Variants in CYTH1 observed in about 807,000 individuals in gnomAD.
The protein encoded by CYTH1 is cytohesin 1.
CYTH1 carries 18 observed loss-of-function variants against 61.8 expected under a neutral mutation model. That is an observed-to-expected ratio of 0.29 (90% CI 0.20 to 0.43). The LOEUF is 0.43. CYTH1 is among the 20% of genes least tolerant of loss of function. CYTH1 has a pLI of 1.00. For synonymous variants in CYTH1, 174 were observed against 184.3 expected (o/e 0.94, Z 0.45); for missense variants, 336 against 510.5 (o/e 0.66, Z 3.29).
intron 3 of CYTH1, among the ~76,000 whole-genome samples, chr17:78,705,904 CAG>C (rs2093060447): frequency 6.6e-6 from 1 of 152,050 alleles, no homozygotes; most frequent in Non-Finnish European, 1.5e-5. Context: ...TGGTAACTGA[CAG>C]AGAATTAATC....
chr17:78,717,900 ATC>A lies in CYTH1; in HGVS notation c.23-8170_23-8169del, dbSNP rs1371506501. ...ACCCCTCTGCCTAGCTTTCAAATACATCACTTGCCTTATTTTTTTCCACTATA... is the reference window on the plus strand; with the variant it reads ...ACCCCTCTGCCTAGCTTTCAAATACAACTTGCCTTATTTTTTTCCACTATA... On this transcript the variant is annotated intron_variant, in intron 1 of 13. Coordinates refer to ENST00000446868, the MANE Select transcript of CYTH1 (RefSeq NM_004762.6). The surrounding 1 kb of genome is among the most constrained non-coding windows in gnomAD (Gnocchi z 4.4). Among the ~76,000 whole-genome samples the A allele has an allele frequency of 6.6e-6, 1 of 152,056 alleles. No individual in the cohort carries two copies. Among genetic ancestry groups the A allele is most frequent in the Non-Finnish European group, 1.5e-5 (1 of 68,016 alleles).
rs759182326 is a variant in CYTH1 at position 78,702,232 on chromosome 17, C to T, written c.246G>A (p.Gln82=). ...TCAGGAGGTCGTTCTCTATTAAGAA[C>T]TGGATCCCCTAGAAAAAGACAACAA... ...KFNMDPKKGI[Q]FLIENDLLKN... is the part of the protein sequence containing the mutation. Residue 82 remains glutamine, a synonymous_variant, in exon 5 of 14, where the codon CAG becomes CAA. Transcript: ENST00000446868. The T allele has an allele frequency of 1.2e-6, 2 of 1,613,064 alleles. No homozygotes were observed. Among genetic ancestry groups the T allele is most frequent in the Non-Finnish European group, 8.5e-7 (1 of 1,179,320 alleles).
intron 1 of CYTH1, 25 bp downstream of exon 1, chr17:78,782,177 G>T: frequency 7.4e-7 from 1 of 1,359,906 alleles, no homozygotes; most frequent in Non-Finnish European, 9.6e-7. Context: ...CGAGGGGGAA[G>T]CGTCCGCCGC....
intron 3 of CYTH1, among the ~76,000 whole-genome samples, chr17:78,706,437 C>T (rs894141647): frequency 2.0e-5 from 3 of 152,196 alleles, no homozygotes; most frequent in Non-Finnish European, 2.9e-5. Context: ...TCACAATGTT[C>T]GTGAGATTCA....
intron 1 of CYTH1, among the ~76,000 whole-genome samples, chr17:78,746,730 C>T (rs987043070): frequency 2.6e-5 from 4 of 152,002 alleles, no homozygotes; most frequent in African/African-American, 9.7e-5. Context: ...TCACTTGAGC[C>T]CAGGAGTTCA....
chr17:78,731,144 A>G (rs1333726334), intron 1 of CYTH1, among the ~76,000 whole-genome samples: 1 of 152,232 alleles, frequency 6.6e-6, no homozygotes, highest in Non-Finnish European at 1.5e-5. Flanking sequence ...CTTGGAATAT[A>G]TGAAGGCAGG....
chr17:78,704,955 A>C (rs1382997944), intron 3 of CYTH1, among the ~76,000 whole-genome samples: 1 of 152,212 alleles, frequency 6.6e-6, no homozygotes, highest in Non-Finnish European at 1.5e-5. Flanking sequence ...ATTTAATTTC[A>C]GCCAGAATGA....
chr17:78,694,796 G>C (rs537533797), intron 10 of CYTH1, among the ~76,000 whole-genome samples: 3 of 152,314 alleles, frequency 2.0e-5, no homozygotes, highest in African/African-American at 7.2e-5. Flanking sequence ...TTCTCTGCCT[G>C]ATTACAAAAG....
intron 1 of CYTH1, among the ~76,000 whole-genome samples, chr17:78,770,194 G>C (rs551657238): frequency 6.6e-6 from 1 of 151,218 alleles, no homozygotes; most frequent in East Asian, 2.0e-4. Flanking sequence ...CATGGTGGCG[G>C]GTGTCTGTAA....
chr17:78,775,249 G>A (rs1256571560), intron 1 of CYTH1, among the ~76,000 whole-genome samples: 1 of 152,200 alleles, frequency 6.6e-6, no homozygotes, highest in Admixed American at 6.5e-5. Context: ...GCCGCTGGGG[G>A]TTAGGGGAAG....
At chr17:78,782,085 C>A in intron 1 of CYTH1, 117 bp downstream of exon 1, 9 of 950,656 alleles carry the variant, frequency 9.5e-6, no homozygotes, top group Non-Finnish European at 1.2e-5. Flanking sequence ...CCGGGCTCCG[C>A]GTCCCGCACC....
At chr17:78,781,711 G>A (rs928779115) in intron 1 of CYTH1, among the ~76,000 whole-genome samples, 3 of 152,068 alleles carry the variant, frequency 2.0e-5, no homozygotes, top group Non-Finnish European at 4.4e-5. Context: ...CGGGGAACGC[G>A]GGCCCGGCCA....
In CYTH1 at chr17:78,680,280, G is replaced by A. The variant is rs1254706763; in HGVS notation, c.1028C>T (p.Ala343Val). ...GTTCCCCTCCACCACCCGCCCGTCAGCCTCGGTCTTGCAGGCCTTGATAAC... is the reference window on the plus strand; with the variant it reads ...GTTCCCCTCCACCACCCGCCCGTCAACCTCGGTCTTGCAGGCCTTGATAAC... Reference protein sequence around the residue: ...DQVIKACKTEADGRVVEGNHT... With the variant: ...DQVIKACKTEVDGRVVEGNHT... Residue 343 changes from alanine to valine, a missense_variant, in exon 13 of 14, where the codon GCT becomes GTT. Coordinates refer to ENST00000446868, the MANE Select transcript of CYTH1 (RefSeq NM_004762.6). 6.2e-7 allele frequency: 1 copy of A among 1,614,050 alleles called. No individual in the cohort carries two copies. The highest frequency in any genetic ancestry group is 8.5e-7 in the Non-Finnish European group (1 of 1,180,034).
At chr17:78,781,703 G>A (rs1222149565) in intron 1 of CYTH1, among the ~76,000 whole-genome samples, 1 of 152,080 alleles carries the variant, frequency 6.6e-6, no homozygotes, top group Non-Finnish European at 1.5e-5. Flanking sequence ...GGAAACTGCG[G>A]GGAACGCGGG....
chr17:78,687,657 T>G (rs2092830538), intron 11 of CYTH1, among the ~76,000 whole-genome samples: 1 of 152,220 alleles, frequency 6.6e-6, no homozygotes, highest in Non-Finnish European at 1.5e-5. Context: ...GTTTGAAACA[T>G]GTCAGAAATC....
chr17:78,763,619 A>C (rs775720039), intron 1 of CYTH1, among the ~76,000 whole-genome samples: 2 of 152,196 alleles, frequency 1.3e-5, no homozygotes, highest in African/African-American at 2.4e-5. Flanking sequence ...AATAAAGAAC[A>C]ATAAGTTGTT....
chr17:78,749,514 C>T (rs2093371527), intron 1 of CYTH1, among the ~76,000 whole-genome samples: 1 of 151,796 alleles, frequency 6.6e-6, no homozygotes, highest in Non-Finnish European at 1.5e-5. Flanking sequence ...GCCTGTGGTC[C>T]CAGCTACTCA....
chr17:78,772,247 C>A (rs926577704), intron 1 of CYTH1, among the ~76,000 whole-genome samples: 1 of 152,146 alleles, frequency 6.6e-6, no homozygotes, highest in African/African-American at 2.4e-5. Context: ...AGACTCGACA[C>A]GGCTCTCAAG....
At chr17:78,725,487 C>A (rs1171033498) in intron 1 of CYTH1, among the ~76,000 whole-genome samples, 3 of 152,158 alleles carry the variant, frequency 2.0e-5, no homozygotes, top group African/African-American at 7.2e-5. Context: ...TAAGGGCTGT[C>A]TTATTTTGAG....
Sources: gnomAD v4.1 joint callset for allele counts (sites outside exome capture counted in the v4.1 genomes callset) on GRCh38, gnomAD v4.1.1 for gene constraint, Gnocchi (gnomAD v3.1) non-coding constraint, MANE v1.5 for transcripts, NCBI Gene and HGNC (gene_info 2026-07-23, HGNC 2026-07-21) for gene names.